Variants in COPG2 observed in about 807,000 individuals in gnomAD.
COPG2 encodes coatomer subunit gamma-2.
Under a neutral mutation model 46.3 loss-of-function variants are expected in COPG2, and 37 were observed. The ratio of observed to expected loss-of-function variants is 0.80; its 90% CI spans 0.61 to 1.05. COPG2 has a LOEUF of 1.05. COPG2 is among the 50% of genes least tolerant of loss of function. The probability of loss-of-function intolerance (pLI) is 0.00; values close to 1 mark genes in which losing one functional copy is unlikely to be tolerated. For missense variants in COPG2, 427 were observed against 387.8 expected, an observed-to-expected ratio of 1.10 and a Z score of -0.85; for synonymous variants, 159 against 129.7, an observed-to-expected ratio of 1.23 and a Z score of -1.53.
intron 10 of COPG2, among the ~76,000 whole-genome samples, chr7:130,563,657 G>A (rs1016579601): frequency 6.0e-5 from 9 of 150,302 alleles, no homozygotes; most frequent in Admixed American, 3.3e-4. Context: ...GGGAGGCTGA[G>A]GCAGAAGCAT....
chr7:130,520,634 G>A (rs1253549908), intron 20 of COPG2, among the ~76,000 whole-genome samples: 1 of 152,204 alleles, frequency 6.6e-6, no homozygotes. Flanking sequence ...CGTGGTTCTT[G>A]TGCTGATAGG....
At chr7:130,519,901 G>T (rs1217059626) in intron 20 of COPG2, among the ~76,000 whole-genome samples, 1 of 152,180 alleles carries the variant, frequency 6.6e-6, no homozygotes, top group Non-Finnish European at 1.5e-5. Context: ...AAGAATAGAA[G>T]TTGGATAGGC....
intron 20 of COPG2, among the ~76,000 whole-genome samples, chr7:130,513,375 A>ATG (rs1168901549): frequency 0.039 from 1,771 of 45,768 alleles, 51 homozygotes; most frequent in Non-Finnish European, 0.046. Context: ...ATATATATAT[A>ATG]TGTGTGTGTG....
chr7:130,511,360 G>C, intron 20 of COPG2: 2 of 516,256 alleles, frequency 3.9e-6, no homozygotes, highest in South Asian at 2.8e-5. Context: ...TGCAGGTCTG[G>C]ACTGAACTGA....
chr7:130,666,677 G>A (rs1366377118), intron 3 of COPG2, among the ~76,000 whole-genome samples, 172 bp downstream of exon 3: 2 of 152,152 alleles, frequency 1.3e-5, no homozygotes, highest in Non-Finnish European at 2.9e-5. Flanking sequence ...ACCTGTATAT[G>A]TCATAGTCCT....
At chr7:130,599,273 T>C (rs1554450060) in intron 9 of COPG2, among the ~76,000 whole-genome samples, 1 of 152,236 alleles carries the variant, frequency 6.6e-6, no homozygotes, top group African/African-American at 2.4e-5. Context: ...GGCTATGGGC[T>C]GGTAAGTGAA....
At chr7:130,529,696 T>A (rs1799805500) in intron 20 of COPG2, among the ~76,000 whole-genome samples, 1 of 152,174 alleles carries the variant, frequency 6.6e-6, no homozygotes, top group African/African-American at 2.4e-5. Context: ...TGGTCAGCAC[T>A]GCACACTAAC....
At chr7:130,617,658 TC>T (rs1283875776) in intron 5 of COPG2, among the ~76,000 whole-genome samples, 6 of 152,162 alleles carry the variant, frequency 3.9e-5, no homozygotes, top group Admixed American at 3.3e-4. Flanking sequence ...CTTCTTTAGC[TC>T]CCCATGCATT....
rs1253799632 is a variant in COPG2, at chr7:130,617,008, A to C, written c.381T>G (p.Ala127=). Reference sequence around the variant, plus strand: ...AACTTACATCGGTGATCCTGCAGAGAGCTCTGATGGCCGGGCCTCGGTATA... The same window carrying C: ...AACTTACATCGGTGATCCTGCAGAGCGCTCTGATGGCCGGGCCTCGGTATA... The part of the protein sequence containing the change: ...EDVYRGPAIR[A]LCRITDGTML... Residue 127 remains alanine, a synonymous_variant, in exon 6 of 24, where the codon GCT becomes GCG. Coordinates refer to ENST00000425248, the MANE Select transcript of COPG2 (RefSeq NM_012133.6). 6.2e-7 allele frequency: 1 copy of C among 1,610,876 alleles called. No homozygotes were observed. Among genetic ancestry groups the C allele is most frequent in the Non-Finnish European group, 8.5e-7 (1 of 1,177,734 alleles).
intron 9 of COPG2, among the ~76,000 whole-genome samples, chr7:130,573,510 T>C (rs1347403717): frequency 6.6e-6 from 1 of 151,984 alleles, no homozygotes; most frequent in Non-Finnish European, 1.5e-5. Context: ...GTGGCATTAA[T>C]CACAGGAACG....
rs781787821 is a variant in COPG2 at position 130,510,005 on chromosome 7, T to G, written c.2150-1346A>C. ...CAGCTGGAAACAGTAAGAGGCATGC[T>G]AATGCCTAGGTGCTGAGAAGATAAT... is the stretch of plus-strand genomic sequence containing the variant. On this transcript the variant is annotated intron_variant, in intron 20 of 23. Transcript: ENST00000425248. 6.1e-6 allele frequency: 3 copies of G among 490,766 alleles called. No homozygotes were observed. The Admixed American group carries it at 6.5e-5, about 11-fold the overall frequency. 30.4% of individuals were successfully genotyped at this position (490,766 alleles called of 1,614,324 possible).
chr7:130,568,226 G>A (rs981488877), intron 9 of COPG2, among the ~76,000 whole-genome samples: 146 of 152,246 alleles, frequency 9.6e-4, no homozygotes, highest in African/African-American at 3.1e-3. Flanking sequence ...GGTGAGCCAA[G>A]ATCGCGCCAT....
chr7:130,630,567 G>C (rs1202974674), intron 5 of COPG2, among the ~76,000 whole-genome samples: 1 of 152,148 alleles, frequency 6.6e-6, no homozygotes, highest in East Asian at 1.9e-4. Flanking sequence ...TTTGAGAGAT[G>C]AGTACTGAAA....
chr7:130,660,687 T>A (rs943173307), intron 4 of COPG2, among the ~76,000 whole-genome samples: 5 of 152,188 alleles, frequency 3.3e-5, no homozygotes, highest in Non-Finnish European at 7.3e-5. Context: ...TCTAAACCTC[T>A]GACCTCTTCA....
intron 5 of COPG2, among the ~76,000 whole-genome samples, chr7:130,642,978 C>G (rs1795521656): frequency 6.6e-6 from 1 of 152,070 alleles, no homozygotes; most frequent in Non-Finnish European, 1.5e-5. Flanking sequence ...TCCACTCCAG[C>G]CTGTGTGACA....
chr7:130,636,725 T>G (rs1384982235), intron 5 of COPG2, among the ~76,000 whole-genome samples: 1 of 152,174 alleles, frequency 6.6e-6, no homozygotes. Context: ...AGTTTACATT[T>G]AAGGTTGATA....
intron 9 of COPG2, among the ~76,000 whole-genome samples, chr7:130,600,496 C>T (rs1244327653): frequency 6.6e-6 from 1 of 152,122 alleles, no homozygotes; most frequent in Admixed American, 6.5e-5. Flanking sequence ...CTCCTGGGCT[C>T]AGGCAATCCA....
rs961080229 is a variant in COPG2, at chr7:130,614,116, C to G, written c.400-480G>C. On this transcript the variant is annotated intron_variant, in intron 6 of 23. Transcript: ENST00000425248. ...AAAGAATTAAATGTGTAGTGTACTA[C>G]TATAGTGAGCCCTCAACATAAAATC... Among the ~76,000 whole-genome samples the G allele has an allele frequency of 5.3e-4, 80 of 152,146 alleles. 5 individuals are homozygous for G. The highest frequency in any genetic ancestry group is 1.5e-5 in the Non-Finnish European group (1 of 68,020).
At chr7:130,521,162 G>A (rs921069980) in intron 20 of COPG2, among the ~76,000 whole-genome samples, 11 of 152,238 alleles carry the variant, frequency 7.2e-5, no homozygotes, top group African/African-American at 2.2e-4. Flanking sequence ...TTGAAAAGTC[G>A]AGTCAGGAAG....
Sources: gnomAD v4.1 joint callset for allele counts (sites outside exome capture counted in the v4.1 genomes callset) on GRCh38, gnomAD v4.1.1 for gene constraint, MANE v1.5 for transcripts, NCBI Gene and HGNC (gene_info 2026-07-23, HGNC 2026-07-21) for gene names.